The following ADAP1 variants were observed in gnomAD, a reference collection of about 807,000 sequenced individuals.
ADAP1 encodes arf-GAP with dual PH domain-containing protein 1.
In ADAP1, 31 loss-of-function variants were observed where a neutral mutation model predicts 54.9. The ratio of observed to expected loss-of-function variants is 0.56; its 90% confidence interval spans 0.42 to 0.76. The LOEUF (loss-of-function observed/expected upper bound fraction) is 0.76, where lower values mean the gene tolerates loss of function less well. ADAP1 is among the 30% of genes least tolerant of loss of function. The probability of loss-of-function intolerance (pLI) is 0.00; values close to 1 mark genes in which losing one functional copy is unlikely to be tolerated. For missense variants in ADAP1, 535 were observed against 512.4 expected (o/e 1.04, Z -0.42); for synonymous variants, 313 against 202.6 (o/e 1.55, Z -4.63).
At chr7:949,914 C>T (rs909301301) in intron 1 of ADAP1, among the ~76,000 whole-genome samples, 4 of 152,244 alleles carry the variant, frequency 2.6e-5, no homozygotes, top group African/African-American at 7.2e-5. Context: ...AGCACAGAAT[C>T]GCCATGGGAC....
At chr7:933,139 C>T (rs553207613) in intron 2 of ADAP1, among the ~76,000 whole-genome samples, 3 of 151,996 alleles carry the variant, frequency 2.0e-5, no homozygotes, top group African/African-American at 7.2e-5. Context: ...GGCGTGGTGG[C>T]GTGCACCTGC....
chr7:945,676 C>G lies in ADAP1; in HGVS notation c.82+8720G>C. The G allele has an allele frequency of 1.1e-6, 1 of 941,338 alleles. No homozygotes were observed. The allele number at this position is 941,338 out of a possible 1,614,324, so 58.3% of individuals were successfully genotyped here. On this transcript the variant is annotated intron_variant, in intron 1 of 10. Transcript: ENST00000265846. This position sits in a 1 kb window ranked among gnomAD's most constrained non-coding sequence, Gnocchi z 4.2. ...CCACAAACATCCAGGCTGCCAGCAC[C>G]GTCTCCAGGAGCTGCCTCCTCCTCG...
intron 4 of ADAP1, among the ~76,000 whole-genome samples, chr7:913,431 G>T (rs1458447121): frequency 1.3e-5 from 2 of 151,990 alleles, no homozygotes; most frequent in African/African-American, 4.8e-5. Context: ...TTGATCTCCT[G>T]ACCTCGTGAT....
At chr7:931,773 GAA>G (rs11367737) in intron 2 of ADAP1, among the ~76,000 whole-genome samples, 2,947 of 140,540 alleles carry the variant, frequency 0.021, 64 homozygotes, top group Non-Finnish European at 0.025. Context: ...AAAGTAGGGA[GAA>G]AAAAAAAAAA....
chr7:917,951 T>C (rs1290120232), intron 4 of ADAP1, among the ~76,000 whole-genome samples: 5 of 152,064 alleles, frequency 3.3e-5, no homozygotes, highest in Non-Finnish European at 7.4e-5. Context: ...TTGCATTTTT[T>C]GGTAGAGTCC....
chr7:919,602 G>A (rs75624750), intron 4 of ADAP1, among the ~76,000 whole-genome samples: 6,934 of 142,218 alleles, frequency 0.049, 306 homozygotes, highest in African/African-American at 0.1. Flanking sequence ...GAGGAAGAGA[G>A]ACAGAGAATG....
At chr7:916,219 A>G (rs1845928315) in intron 4 of ADAP1, among the ~76,000 whole-genome samples, 1 of 152,176 alleles carries the variant, frequency 6.6e-6, no homozygotes. Context: ...AAACTTGCCA[A>G]AGGAGGTGGC....
At chr7:930,408 T>G (rs369202677) in intron 2 of ADAP1, among the ~76,000 whole-genome samples, 2 of 20,970 alleles carry the variant, frequency 9.5e-5, no homozygotes, top group East Asian at 3.3e-3. Flanking sequence ...CCGGGCGCGG[T>G]GGCTCACACC....
rs1847140721 is a variant in ADAP1 at position 946,398 on chromosome 7, G to A, written c.82+7998C>T. Among the ~76,000 whole-genome samples the A allele has an allele frequency of 6.6e-6, 1 of 152,028 alleles. No individual in the cohort carries two copies. Among genetic ancestry groups the A allele is most frequent in the African/African-American group, 2.4e-5 (1 of 41,380 alleles). On this transcript the variant is annotated intron_variant, in intron 1 of 10. Coordinates refer to ENST00000265846, the MANE Select transcript of ADAP1 (RefSeq NM_006869.4). This position sits in a 1 kb window ranked among gnomAD's most constrained non-coding sequence, Gnocchi z 4.3. ...CCTGGTCCCATTCCATTGTGAGGAT[G>A]GGGCCCTTTGGCCCTAGGAACAGGC...
At position 926,457 on chromosome 7, in the gene ADAP1, C is replaced by T. The variant is rs924074518; in HGVS notation, c.305+96G>A. 75 of 1,081,120 alleles carry T rather than the reference C, an allele frequency of 6.9e-5. No homozygotes were observed. Among genetic ancestry groups the T allele is most frequent in the Non-Finnish European group, 8.5e-5 (66 of 777,676 alleles). The allele number at this position is 1,081,120 out of a possible 1,614,324, so 67.0% of individuals were successfully genotyped here. Reference sequence around the variant, plus strand: ...GCTGGCTTCTCCCCGACCCTGTGGGCGGCACCCAACTCCCCACCCTGCCGG... The same window carrying T: ...GCTGGCTTCTCCCCGACCCTGTGGGTGGCACCCAACTCCCCACCCTGCCGG... On this transcript the variant is annotated intron_variant, in intron 3 of 10. Coordinates refer to ENST00000265846, the MANE Select transcript of ADAP1 (RefSeq NM_006869.4). The surrounding 1 kb of genome is among the most constrained non-coding windows in gnomAD (Gnocchi z 4.6).
chr7:904,162 G>T lies in ADAP1; in HGVS notation c.612C>A (p.Ser204Arg). The T allele has an allele frequency of 6.2e-7, 1 of 1,612,656 alleles. No individual in the cohort carries two copies. The highest frequency in any genetic ancestry group is 8.5e-7 in the Non-Finnish European group (1 of 1,179,874). The change falls in exon 6 of 11, where the codon AGC (serine) becomes AGA (arginine). Residue 204 changes from serine to arginine, a missense_variant. Physicochemically the swap from Ser to Arg is moderately radical, Grantham distance 110 (BLOSUM62 -1). Coordinates refer to ENST00000265846, the MANE Select transcript of ADAP1 (RefSeq NM_006869.4). Reference sequence around the variant, plus strand: ...CATGGTAGATGAAGATGTTACGGGTGCTGTTGTCCTTCAGGTAGGTGACCT... The same window carrying T: ...CATGGTAGATGAAGATGTTACGGGTTCTGTTGTCCTTCAGGTAGGTGACCT... ...GLQVTYLKDN[S>R]TRNIFIYHED...
Position 938,179 on chromosome 7 carries a change from ATTGTTTTGTT to A in ADAP1, c.83-2684_83-2675del, listed in dbSNP as rs576309566. ...CGGGGTTTTTTTTGTCTTGTATTGT[ATTGTTTTGTT>A]TTGAGACAGGGTCTTGCCCTGTTGC... On this transcript the variant is annotated intron_variant, in intron 1 of 10. Transcript: ENST00000265846. The surrounding 1 kb of genome is among the most constrained non-coding windows in gnomAD (Gnocchi z 4.4). 3.2e-3 allele frequency among the ~76,000 whole-genome samples: 484 copies of A among 151,924 alleles called. 10 individuals are homozygous for A. The highest frequency in any genetic ancestry group is 0.029 in the Admixed American group (442 of 15,262).
intron 4 of ADAP1, among the ~76,000 whole-genome samples, chr7:910,744 A>G (rs777181323): frequency 7.9e-5 from 12 of 152,302 alleles, no homozygotes; most frequent in South Asian, 6.2e-4. Flanking sequence ...CTGCATCCCC[A>G]TATCTCATGG....
Position 906,707 on chromosome 7 carries a change from G to A in ADAP1, c.389-1535C>T, listed in dbSNP as rs1562915326. Among the ~76,000 whole-genome samples the A allele has an allele frequency of 2.5e-3, 80 of 31,374 alleles. 1 individual carries two copies. In the East Asian group the frequency reaches 0.05, roughly 20 times the overall value. 20.6% of individuals were successfully genotyped at this position (31,374 alleles called of 152,430 possible). A position where few individuals can be genotyped will look rare whatever the true frequency, so the allele number is the denominator to read the frequency against. On this transcript the variant is annotated intron_variant, in intron 4 of 10. Coordinates refer to ENST00000265846, the MANE Select transcript of ADAP1 (RefSeq NM_006869.4). ...GGACACGGGGGACATGGACATGGGG[G>A]ACGGGACATCGGGGACGGGACATGG... is the stretch of plus-strand genomic sequence containing the variant.
At chr7:911,535 A>ACGGAGGGCCAGGAAG (rs1845722505) in intron 4 of ADAP1, among the ~76,000 whole-genome samples, 1 of 140,440 alleles carries the variant, frequency 7.1e-6, no homozygotes, top group African/African-American at 2.8e-5. Flanking sequence ...ATGCCAGGAA[A>ACGGAGGGCCAGGAAG]GGGGCGGGGA....
At chr7:935,877 C>T (rs34506278) in intron 1 of ADAP1, among the ~76,000 whole-genome samples, 31,312 of 152,164 alleles carry the variant, frequency 0.21, 3,595 homozygotes, top group African/African-American at 0.3. Context: ...TGTCCGCTGC[C>T]CTGGGAGAAG....
At chr7:900,222 C>A in intron 7 of ADAP1, 58 bp from the exon 8 acceptor site, 2 of 1,601,894 alleles carry the variant, frequency 1.2e-6, no homozygotes, top group Admixed American at 3.3e-5. Flanking sequence ...CCGAGCCCCT[C>A]CCTGGCTGTG....
In ADAP1 at chr7:935,432, G is replaced by C. The variant is rs1395309236; in HGVS notation, c.156C>G (p.Pro52=). 1 of 1,561,100 alleles carries C rather than the reference G, an allele frequency of 6.4e-7. No individual in the cohort carries two copies. Among genetic ancestry groups the C allele is most frequent in the Non-Finnish European group, 8.7e-7 (1 of 1,152,472 alleles). ...GGACGGACTTCACCTTGCTGACCTG[G>C]GGGATATTCCGGTGGATTCCCGAGC... ...LSCSGIHRNI[P]QVSKVKSVRL... Residue 52 remains proline, a synonymous_variant, in exon 2 of 11, where the codon CCC becomes CCG. Transcript: ENST00000265846.
intron 3 of ADAP1, among the ~76,000 whole-genome samples, chr7:925,202 G>A (rs993692697): frequency 9.9e-5 from 15 of 152,058 alleles, no homozygotes; most frequent in South Asian, 4.2e-4. Context: ...TGAGTCGCTC[G>A]TGGCCTGAAC....
Sources: gnomAD v4.1 joint callset for allele counts (sites outside exome capture counted in the v4.1 genomes callset) on GRCh38, gnomAD v4.1.1 for gene constraint, Gnocchi (gnomAD v3.1) non-coding constraint, MANE v1.5 for transcripts, NCBI Gene and HGNC (gene_info 2026-07-23, HGNC 2026-07-21) for gene names.